MOV10L1: variants seen among roughly 807,000 people sequenced by gnomAD.
MOV10L1 encodes Mov10 like RNA helicase 1.
A neutral mutation model predicts 143.8 loss-of-function variants in MOV10L1; 110 were observed. That is an observed-to-expected ratio of 0.76 (90% CI 0.66 to 0.90). The LOEUF is 0.90. MOV10L1 is among the 40% of genes least tolerant of loss of function. The probability of loss-of-function intolerance (pLI) is 0.00; values close to 1 mark genes in which losing one functional copy is unlikely to be tolerated. For missense variants in MOV10L1, 1,406 were observed against 1,526.8 expected, an observed-to-expected ratio of 0.92 and a Z score of 1.32; for synonymous variants, 593 against 581.1, an observed-to-expected ratio of 1.02 and a Z score of -0.29.
chr22:50,150,343 A>C (rs1458263386), intron 20 of MOV10L1, among the ~76,000 whole-genome samples: 4 of 152,184 alleles, frequency 2.6e-5, no homozygotes, highest in Non-Finnish European at 4.4e-5. Context: ...GCAGCGGCAT[A>C]GGGCGGCCTG....
At position 50,114,636 on chromosome 22, in the gene MOV10L1, C is replaced by T. The variant is rs766338908; in HGVS notation, c.1126+14C>T. On this transcript the variant is annotated intron_variant, in intron 7 of 26. Transcript: ENST00000262794. ...GAATCTCTCCAGGTAGTGGACGTTT[C>T]GGCTGTCACTGCGTGAGGTCGGGTG... 82 of 1,611,716 alleles carry T rather than the reference C, an allele frequency of 5.1e-5. No individual in the cohort carries two copies. The highest frequency in any genetic ancestry group is 1.6e-4 in the Middle Eastern group (1 of 6,072).
chr22:50,157,236 A>G (rs1040400363), intron 22 of MOV10L1, among the ~76,000 whole-genome samples: 1 of 151,998 alleles, frequency 6.6e-6, no homozygotes, highest in Non-Finnish European at 1.5e-5. Flanking sequence ...AGTTTTGGAT[A>G]TTAACTTCTT....
intron 1 of MOV10L1, chr22:50,091,582 A>C (rs2062444541): frequency 5.8e-6 from 1 of 171,508 alleles, no homozygotes; most frequent in Admixed American, 5.6e-5. Flanking sequence ...AGGTCCATAC[A>C]TGCACGTGTG....
In MOV10L1 at chr22:50,152,536, T is replaced by C. The variant is rs184393729; in HGVS notation, c.2893-509T>C. 2.9e-3 allele frequency among the ~76,000 whole-genome samples: 448 copies of C among 152,256 alleles called. No individual in the cohort carries two copies. Among genetic ancestry groups the C allele is most frequent in the Non-Finnish European group, 5.0e-3 (339 of 68,010 alleles). ...GATATCACAGTCACCCTCAGCCGCA[T>C]CAGTGAAGTCACAGCCAGGCCCGCC... On this transcript the variant is annotated intron_variant, in intron 21 of 26. Transcript: ENST00000262794. The surrounding 1 kb of genome is among the most constrained non-coding windows in gnomAD (Gnocchi z 4.4).
intron 6 of MOV10L1, 125 bp downstream of exon 6, chr22:50,113,913 T>A: frequency 1.1e-3 from 136 of 124,008 alleles, no homozygotes; most frequent in Non-Finnish European, 1.7e-3. Context: ...AGATCTTTTC[T>A]TTTTTTTTTT....
At chr22:50,127,230 C>T (rs932698255) in intron 12 of MOV10L1, among the ~76,000 whole-genome samples, 1 of 152,156 alleles carries the variant, frequency 6.6e-6, no homozygotes, top group African/African-American at 2.4e-5. Flanking sequence ...AGAAGCAGAG[C>T]CAGAGATCTC....
At chr22:50,150,700 C>T (rs1466778038) in intron 20 of MOV10L1, 35 bp from the exon 21 acceptor site, 7 of 1,605,648 alleles carry the variant, frequency 4.4e-6, no homozygotes, top group Non-Finnish European at 6.0e-6. Context: ...GCGGCACCCT[C>T]CCTGCATGAG....
chr22:50,158,325 G>C lies in MOV10L1; in HGVS notation c.3216+119G>C. ...GTGAGCAGCAGCAGGTTTTTAAAGGGGCAGGACCGCACTTGAATGTCGTTC... is the reference window on the plus strand; with the variant it reads ...GTGAGCAGCAGCAGGTTTTTAAAGGCGCAGGACCGCACTTGAATGTCGTTC... On this transcript the variant is annotated intron_variant, in intron 23 of 26. Transcript: ENST00000262794. This position sits in a 1 kb window ranked among gnomAD's most constrained non-coding sequence, Gnocchi z 5.0. 7.9e-7 allele frequency: 1 copy of C among 1,263,730 alleles called. No individual in the cohort carries two copies. Among genetic ancestry groups the C allele is most frequent in the Non-Finnish European group, 1.1e-6 (1 of 916,252 alleles). The allele number at this position is 1,263,730 out of a possible 1,614,324, so 78.3% of individuals were successfully genotyped here.
At chr22:50,094,323 T>C (rs925017849) in intron 2 of MOV10L1, 2 of 152,184 alleles carry the variant, frequency 1.3e-5, no homozygotes, top group Non-Finnish European at 2.9e-5. Flanking sequence ...TTCAGGAGTT[T>C]TTATGTGTTC....
At chr22:50,143,434 T>G (rs1310146639) in intron 17 of MOV10L1, 1 of 574,610 alleles carries the variant, frequency 1.7e-6, no homozygotes, top group Non-Finnish European at 3.1e-6. Context: ...ATTTTTAGCC[T>G]GGTAAACTAT....
chr22:50,123,568 T>C (rs2062413119), intron 10 of MOV10L1, among the ~76,000 whole-genome samples: 1 of 152,226 alleles, frequency 6.6e-6, no homozygotes, highest in Non-Finnish European at 1.5e-5. Flanking sequence ...TGTGCTAGTA[T>C]CGTGTTGAGG....
At chr22:50,113,908 T>TTTTA in intron 6 of MOV10L1, 120 bp downstream of exon 6, 3 of 772,482 alleles carry the variant, frequency 3.9e-6, no homozygotes, top group Admixed American at 4.7e-5. Flanking sequence ...TATGAAGATC[T>TTTTA]TTTCTTTTTT....
chr22:50,105,909 G>A (rs976073483), intron 3 of MOV10L1, among the ~76,000 whole-genome samples: 2 of 152,192 alleles, frequency 1.3e-5, no homozygotes, highest in Non-Finnish European at 2.9e-5. Flanking sequence ...CTTCCAGCTG[G>A]CTGCATGTCT....
chr22:50,123,711 A>G (rs975198175), intron 10 of MOV10L1, among the ~76,000 whole-genome samples: 5 of 152,200 alleles, frequency 3.3e-5, no homozygotes, highest in Non-Finnish European at 7.3e-5. Flanking sequence ...AATTTTTTGG[A>G]AAAGTTTGAG....
At position 50,115,157 on chromosome 22, in the gene MOV10L1, TC is replaced by T. The variant is rs2062135956; in HGVS notation, c.1171del (p.Leu391TyrfsTer6). The T allele has an allele frequency of 6.4e-7, 1 of 1,573,038 alleles. No individual in the cohort carries two copies. Among genetic ancestry groups the T allele is most frequent in the African/African-American group, 1.4e-5 (1 of 71,584 alleles). On this transcript the variant is annotated frameshift_variant, in exon 8 of 27. Transcript: ENST00000262794. LOFTEE classifies it high-confidence loss of function. Reference sequence around the variant, plus strand: ...GAGAAAATGGAGAAAAAGACAACATTCTATCAAGGAAGCAGATGACAGAGCC... The same window carrying T: ...GAGAAAATGGAGAAAAAGACAACATTTATCAAGGAAGCAGATGACAGAGCC... ...KGENGEKDNI[L>X]SRKQMTEPEP...
chr22:50,108,277 G>T, intron 4 of MOV10L1, 29 bp downstream of exon 4: 1 of 1,583,962 alleles, frequency 6.3e-7, no homozygotes, highest in Non-Finnish European at 8.6e-7. Context: ...GCTCCTCTCT[G>T]TGCTTCTGGC....
rs147541728 is a variant in MOV10L1 at position 50,144,163 on chromosome 22, G to C, written c.2425G>C (p.Val809Leu). 1.9e-6 allele frequency: 3 copies of C among 1,613,580 alleles called. No individual in the cohort carries two copies. The highest frequency in any genetic ancestry group is 2.5e-6 in the Non-Finnish European group (3 of 1,179,512). The change falls in exon 18 of 27, where the codon GTG becomes CTG. Residue 809 changes from valine (V) to leucine (L), a missense_variant. By Grantham distance (32) the Val-to-Leu change is conservative. Around this residue, in one of 3 missense-constraint regions of MOV10L1, gnomAD observed 1,233 missense variants for 1,351.4 expected, o/e 0.91. Transcript: ENST00000262794. ...GCCCTCCAACAGTGCTGCTGACCTCGTGTGTCTGCGGCTGCACGAGAGCAA... is the reference window on the plus strand; with the variant it reads ...GCCCTCCAACAGTGCTGCTGACCTCCTGTGTCTGCGGCTGCACGAGAGCAA... The part of the protein sequence containing the change: ...CAPSNSAADL[V>L]CLRLHESKVL...
At chr22:50,142,315 G>A (rs781134290) in intron 16 of MOV10L1, 126 bp downstream of exon 16, 28 of 627,890 alleles carry the variant, frequency 4.5e-5, no homozygotes, top group Non-Finnish European at 6.0e-5. Flanking sequence ...TGTGACAGGC[G>A]GCTGCCGTCT....
rs2272836 is a variant in MOV10L1 at position 50,144,121 on chromosome 22, C to A, written c.2383C>A (p.Arg795=). 305,390 of 1,609,978 alleles carry A rather than the reference C, an allele frequency of 0.19. 31,538 individuals carry two copies. The highest frequency in any genetic ancestry group is 0.38 in the Admixed American group (22,923 of 59,950). The change falls in exon 18 of 27, where the codon CGG becomes AGG. Residue 795 remains arginine, a synonymous_variant. Coordinates refer to ENST00000262794, the MANE Select transcript of MOV10L1 (RefSeq NM_018995.3). The part of the protein sequence containing the change: ...LQVHFALPDS[R]ILVCAPSNSA... ...GGTACACTTTGCCTTGCCGGACAGT[C>A]GGATTTTAGTCTGTGCGCCCTCCAA...
Sources: allele counts gnomAD v4.1 joint callset (sites outside exome capture counted in the v4.1 genomes callset), GRCh38; gene constraint gnomAD v4.1.1; regional missense constraint gnomAD v4.1.1; non-coding constraint Gnocchi (gnomAD v3.1); transcripts MANE v1.5; gene names NCBI Gene and HGNC (gene_info 2026-07-23, HGNC 2026-07-21).